Variants in TRMT44 observed in about 807,000 individuals in gnomAD.
TRMT44 encodes tRNA methyltransferase 44 homolog.
A neutral mutation model predicts 77.3 loss-of-function variants in TRMT44; 78 were observed. That is an observed-to-expected ratio of 1.01 (90% CI 0.84 to 1.22). TRMT44 has a LOEUF of 1.22. Ranked by LOEUF, TRMT44 falls within the 50% of genes most tolerant of loss-of-function variation. The pLI is 0.00. For synonymous variants in TRMT44, 391 were observed against 383.3 expected (o/e 1.02, Z -0.23); for missense variants, 1,090 against 964.4 (o/e 1.13, Z -1.73).
chr4:8,498,127 C>T (rs972766681), downstream of TRMT44, among the ~76,000 whole-genome samples: 1 of 152,070 alleles, frequency 6.6e-6, no homozygotes, highest in African/African-American at 2.4e-5. This position sits in a 1 kb window ranked among gnomAD's most constrained non-coding sequence, Gnocchi z 4.3. Flanking sequence ...TTGTGGGTTC[C>T]CCTTCTCCGG....
rs142307616 is a variant in TRMT44 at position 8,441,351 on chromosome 4, C to T, written c.529C>T (p.Arg177Cys). Reference sequence around the variant, plus strand: ...GGCGGGATCGCAGCCAGAGGCGCAGCGTGAGCTCGACGTGGTTCTCAGAAC... The same window carrying T: ...GGCGGGATCGCAGCCAGAGGCGCAGTGTGAGCTCGACGTGGTTCTCAGAAC... ...SGAGSQPEAQ[R>C]ELDVVLRTVI... is the part of the protein sequence containing the mutation. The change falls in exon 1 of 11, where the codon CGT becomes TGT. Residue 177 changes from arginine to cysteine, a missense_variant. Arg to Cys is a radical substitution (Grantham distance 180). Coordinates refer to ENST00000389737, the MANE Select transcript of TRMT44 (RefSeq NM_152544.3). 4 of 1,535,086 alleles carry T rather than the reference C, an allele frequency of 2.6e-6. No individual in the cohort carries two copies. The highest frequency in any genetic ancestry group is 3.5e-6 in the Non-Finnish European group (4 of 1,146,354).
At chr4:8,472,125 T>C (rs1391976497) in intron 10 of TRMT44, among the ~76,000 whole-genome samples, 4 of 152,136 alleles carry the variant, frequency 2.6e-5, no homozygotes. Context: ...TGTCTTCTTG[T>C]GTCACCACCA....
rs1478960336 is a variant in TRMT44 at position 8,440,857 on chromosome 4, C to T, written c.35C>T (p.Pro12Leu). 2 of 1,517,234 alleles carry T rather than the reference C, an allele frequency of 1.3e-6. No individual in the cohort carries two copies. Among genetic ancestry groups the T allele is most frequent in the Non-Finnish European group, 1.8e-6 (2 of 1,139,084 alleles). 94.0% of individuals were successfully genotyped at this position (1,517,234 alleles called of 1,614,324 possible). ...AEVGRTGISYPGALLPQGFWA... is the reference protein window; with the variant it reads ...AEVGRTGISYLGALLPQGFWA... ...GTGGGCCGTACCGGGATCAGCTACCCAGGCGCGCTTCTCCCACAGGGCTTC... is the reference window on the plus strand; with the variant it reads ...GTGGGCCGTACCGGGATCAGCTACCTAGGCGCGCTTCTCCCACAGGGCTTC... Residue 12 changes from proline (P) to leucine (L), a missense_variant, in exon 1 of 11, where the codon CCA becomes CTA. Pro to Leu is a moderately conservative substitution (Grantham distance 98). Coordinates refer to ENST00000389737, the MANE Select transcript of TRMT44 (RefSeq NM_152544.3).
intron 2 of TRMT44, among the ~76,000 whole-genome samples, chr4:8,486,159 C>A (rs1300838580): frequency 6.6e-6 from 1 of 152,188 alleles, no homozygotes; most frequent in Admixed American, 6.5e-5. Context: ...CCAGTGGGGT[C>A]CCGCACAGAT....
At position 8,464,003 on chromosome 4, in the gene TRMT44, A is replaced by C; in HGVS notation, c.1222A>C (p.Asn408His). Residue 408 changes from asparagine (N) to histidine (H), a missense_variant, in exon 7 of 11, where the codon AAT becomes CAT. Physicochemically the swap from Asn to His is moderately conservative, Grantham distance 68. Coordinates refer to ENST00000389737, the MANE Select transcript of TRMT44 (RefSeq NM_152544.3). The stretch of plus-strand genomic sequence containing the variant: ...CCTTTAGGAAGATGCAATCACACCC[A>C]ATGATAAGACCCTTTTCCCTGATGT... ...TQLEEDAITP[N>H]DKTLFPDVDW... 1 of 1,613,994 alleles carries C rather than the reference A, an allele frequency of 6.2e-7. No individual in the cohort carries two copies. Among genetic ancestry groups the C allele is most frequent in the Non-Finnish European group, 8.5e-7 (1 of 1,179,930 alleles).
chr4:8,465,858 G>T (rs1023141695), intron 8 of TRMT44, among the ~76,000 whole-genome samples: 1 of 152,244 alleles, frequency 6.6e-6, no homozygotes, highest in East Asian at 1.9e-4. Flanking sequence ...GGAGGCCTCA[G>T]TGTGGCCTGT....
downstream of TRMT44, among the ~76,000 whole-genome samples, chr4:8,479,901 G>A (rs184748987): frequency 5.3e-5 from 8 of 151,810 alleles, no homozygotes; most frequent in Admixed American, 1.3e-4. Context: ...TTTTTGAGAC[G>A]GGGTCTTGTT....
Position 8,440,939 on chromosome 4 carries a change from C to A in TRMT44, c.117C>A (p.Cys39Ter). ...ERPQVANKRLCGARLEARWSA... is the reference protein window; with the variant it reads ...ERPQVANKRL ...CGCAGGTGGCAAACAAACGGCTTTG[C>A]GGCGCCCGCCTGGAGGCCCGCTGGA... Residue 39 changes from cysteine to a stop codon, truncating the protein, a stop_gained, in exon 1 of 11, where the codon TGC becomes TGA. Transcript: ENST00000389737. LOFTEE classifies it high-confidence loss of function. The A allele has an allele frequency of 6.5e-7, 1 of 1,529,598 alleles. No homozygotes were observed. The highest frequency in any genetic ancestry group is 8.7e-7 in the Non-Finnish European group (1 of 1,145,152). The allele number at this position is 1,529,598 out of a possible 1,614,324, so 94.8% of individuals were successfully genotyped here.
chr4:8,481,997 A>G (rs769756622), intron 2 of TRMT44, among the ~76,000 whole-genome samples: 2 of 152,220 alleles, frequency 1.3e-5, no homozygotes, highest in African/African-American at 2.4e-5. Context: ...ATTCCTGTCT[A>G]TGAAAGAAAG....
intron 6 of TRMT44, among the ~76,000 whole-genome samples, chr4:8,459,095 G>A (rs1249021551): frequency 6.6e-6 from 1 of 152,124 alleles, no homozygotes; most frequent in African/African-American, 2.4e-5. Flanking sequence ...CCAGCTACGC[G>A]GGAGGCTGAG....
chr4:8,449,903 G>A lies in TRMT44; in HGVS notation c.954+15G>A. ...AAATGGTTAAGGTAATTCTGGTGGAGAATATCTGATTTTTCCCCCTTCATG... is the reference window on the plus strand; with the variant it reads ...AAATGGTTAAGGTAATTCTGGTGGAAAATATCTGATTTTTCCCCCTTCATG... On this transcript the variant is annotated intron_variant, in intron 3 of 10. Coordinates refer to ENST00000389737, the MANE Select transcript of TRMT44 (RefSeq NM_152544.3). 1.0e-5 allele frequency: 10 copies of A among 984,424 alleles called. No individual in the cohort carries two copies. Among genetic ancestry groups the A allele is most frequent in the Non-Finnish European group, 1.3e-5 (10 of 743,870 alleles). 61.0% of individuals were successfully genotyped at this position (984,424 alleles called of 1,614,324 possible). A position where few individuals can be genotyped will look rare whatever the true frequency, so the allele number is the denominator to read the frequency against.
intron 10 of TRMT44, 127 bp downstream of exon 10, chr4:8,471,327 T>G: frequency 5.3e-5 from 32 of 608,870 alleles, no homozygotes; most frequent in Non-Finnish European, 6.9e-5. Context: ...AGTTCCGCGG[T>G]GCCCCACCCA....
At chr4:8,488,275 T>C (rs1373689459) in intron 2 of TRMT44, among the ~76,000 whole-genome samples, 2 of 152,160 alleles carry the variant, frequency 1.3e-5, no homozygotes, top group East Asian at 1.9e-4. Flanking sequence ...TGAGCGTCCG[T>C]GTGAAGAGAC....
chr4:8,465,239 CAAAA>C, intron 7 of TRMT44, 135 bp from the exon 8 acceptor site: 1 of 821,786 alleles, frequency 1.2e-6, no homozygotes, highest in Non-Finnish European at 2.0e-6. Context: ...TTATATGCAA[CAAAA>C]AGAAACAATA....
intron 10 of TRMT44, among the ~76,000 whole-genome samples, chr4:8,474,760 G>A (rs1014557764): frequency 6.6e-6 from 1 of 152,178 alleles, no homozygotes; most frequent in Admixed American, 6.5e-5. Flanking sequence ...CTTTGGCCAT[G>A]TTTCACGGGG....
chr4:8,491,678 C>T (rs1038620470), intron 2 of TRMT44, among the ~76,000 whole-genome samples: 3 of 152,252 alleles, frequency 2.0e-5, no homozygotes, highest in South Asian at 2.1e-4. Flanking sequence ...CTGCCTGGGG[C>T]CAGCAGGGCT....
chr4:8,476,069 C>T lies in TRMT44; in HGVS notation c.*68C>T. ...CAAGGAGAGCTTCCCCAGCAGTCGTCAGTGCTGTGGTCTCTGCTCTGGCTG... is the reference window on the plus strand; with the variant it reads ...CAAGGAGAGCTTCCCCAGCAGTCGTTAGTGCTGTGGTCTCTGCTCTGGCTG... On this transcript the variant is annotated 3_prime_UTR_variant, in exon 11 of 11. Transcript: ENST00000389737. 1 of 1,451,208 alleles carries T rather than the reference C, an allele frequency of 6.9e-7. No homozygotes were observed. The highest frequency in any genetic ancestry group is 1.7e-5 in the Admixed American group (1 of 57,512). 89.9% of individuals were successfully genotyped at this position (1,451,208 alleles called of 1,614,324 possible). A position where few individuals can be genotyped will look rare whatever the true frequency, so the allele number is the denominator to read the frequency against.
chr4:8,482,361 C>CGCACACCTTGGCAG (rs1560248141), intron 2 of TRMT44: 1 of 152,286 alleles, frequency 6.6e-6, no homozygotes, highest in African/African-American at 2.4e-5. Flanking sequence ...ATGCCACTCA[C>CGCACACCTTGGCAG]GCACACCTTG....
At chr4:8,484,151 C>G (rs1727728861) in intron 2 of TRMT44, among the ~76,000 whole-genome samples, 1 of 152,008 alleles carries the variant, frequency 6.6e-6, no homozygotes, top group Admixed American at 6.5e-5. Context: ...GGTGGAACTT[C>G]CATCAATAAA....
Sources: allele counts gnomAD v4.1 joint callset (sites outside exome capture counted in the v4.1 genomes callset), GRCh38; gene constraint gnomAD v4.1.1; non-coding constraint Gnocchi (gnomAD v3.1); transcripts MANE v1.5; gene names NCBI Gene and HGNC (gene_info 2026-07-23, HGNC 2026-07-21).